NDUFAF7: variants seen among roughly 807,000 people sequenced by gnomAD.
NDUFAF7 encodes the protein NADH:ubiquinone oxidoreductase complex assembly factor 7.
A neutral mutation model predicts 47.2 loss-of-function variants in NDUFAF7; 48 were observed. The observed-to-expected ratio is 1.02, with a 90% confidence interval of 0.81 to 1.29. NDUFAF7 has a LOEUF of 1.29. NDUFAF7 is among the 50% of genes most tolerant of loss of function. The pLI is 0.00. For missense variants in NDUFAF7, 635 were observed against 537.6 expected (o/e 1.18, Z -1.79); for synonymous variants, 217 against 190.0 (o/e 1.14, Z -1.17).
chr2:37,266,928 G>GC, the NDUFAF7 span, among the ~76,000 whole-genome samples: 1 of 152,100 alleles, frequency 6.6e-6, no homozygotes, highest in Non-Finnish European at 1.5e-5. Flanking sequence ...CTAGATGACC[G>GC]CCCCCAAGGG....
intron 4 of NDUFAF7, 113 bp downstream of exon 4, chr2:37,237,980 G>C (rs11900451): frequency 2.5e-6 from 2 of 784,666 alleles, no homozygotes; most frequent in Admixed American, 2.1e-5. Flanking sequence ...ATATTTCTCA[G>C]CTAAAATATA....
At chr2:37,265,764 A>G in the NDUFAF7 span, among the ~76,000 whole-genome samples, 1 of 152,226 alleles carries the variant, frequency 6.6e-6, no homozygotes, top group African/African-American at 2.4e-5. Flanking sequence ...GAGACATCCT[A>G]CAATCTATTC....
At chr2:37,232,067 G>T (rs750582490) in intron 1 of NDUFAF7, 39 bp from the exon 2 acceptor site, 1 of 1,614,128 alleles carries the variant, frequency 6.2e-7, no homozygotes, top group African/African-American at 1.3e-5. Flanking sequence ...TGAATGGTCA[G>T]ATTTATCATG....
At chr2:37,260,056 T>A in the NDUFAF7 span, among the ~76,000 whole-genome samples, 1 of 152,012 alleles carries the variant, frequency 6.6e-6, no homozygotes, top group African/African-American at 2.4e-5. Context: ...TCCTAGATAC[T>A]TGGGAGGCTG....
chr2:37,249,088 A>T lies in NDUFAF7; in HGVS notation c.*738A>T, dbSNP rs1473140014. ...TAAGTGAAAAAAAGTAGGATGCAAG[A>T]GTTTTTATAGTTGATTCCATTTTTG... On this transcript the variant is annotated 3_prime_UTR_variant, in exon 10 of 10. Transcript: ENST00000002125. The T allele has an allele frequency of 6.6e-6, 1 of 152,320 alleles. No individual in the cohort carries two copies. 9.4% of individuals were successfully genotyped at this position (152,320 alleles called of 1,614,324 possible). A position where few individuals can be genotyped will look rare whatever the true frequency, so the allele number is the denominator to read the frequency against.
At chr2:37,249,643 G>GACACACACACACACACACACACACAC (rs56208997), downstream of NDUFAF7, among the ~76,000 whole-genome samples, 873 of 132,548 alleles carry the variant, frequency 6.6e-3, 20 homozygotes, top group East Asian at 0.024. Context: ...CTGTGATAGA[G>GACACACACACACACACACACACACAC]ACACACACAC....
chr2:37,248,105 T>C (rs1667114962), intron 9 of NDUFAF7, 30 bp from the exon 10 acceptor site: 2 of 1,544,372 alleles, frequency 1.3e-6, no homozygotes, highest in Non-Finnish European at 1.8e-6. Context: ...GTCTTCTGGT[T>C]ATTTTTGCTA....
chr2:37,245,677 C>G (rs1407860112), intron 7 of NDUFAF7, among the ~76,000 whole-genome samples: 2 of 31,912 alleles, frequency 6.3e-5, no homozygotes, highest in African/African-American at 2.9e-4. Flanking sequence ...TGGCACTGTT[C>G]TAGGCAGACA....
chr2:37,248,027 C>A (rs1460479640), intron 9 of NDUFAF7, 108 bp from the exon 10 acceptor site: 6 of 911,768 alleles, frequency 6.6e-6, no homozygotes, highest in African/African-American at 1.7e-5. Context: ...TCAGAAGTCA[C>A]ATTTTGAGTG....
chr2:37,244,449 T>G (rs576965305), intron 7 of NDUFAF7, among the ~76,000 whole-genome samples: 1 of 152,352 alleles, frequency 6.6e-6, no homozygotes, highest in African/African-American at 2.4e-5. Context: ...AGCATGGCTT[T>G]TATCCCATGC....
In NDUFAF7 at chr2:37,238,905, CAA is replaced by C. The variant is rs35512230; in HGVS notation, c.408+1054_408+1055del. Among the ~76,000 whole-genome samples, 748 of 93,030 alleles carry C rather than the reference CAA, an allele frequency of 8.0e-3. 7 individuals carry two copies. The highest frequency in any genetic ancestry group is 0.028 in the African/African-American group (606 of 21,318). 61.0% of individuals were successfully genotyped at this position (93,030 alleles called of 152,430 possible). A position where few individuals can be genotyped will look rare whatever the true frequency, so the allele number is the denominator to read the frequency against. On this transcript the variant is annotated intron_variant, in intron 4 of 9. Transcript: ENST00000002125. Reference sequence around the variant, plus strand: ...AGGAAAATACAAACGGCTAAAAAAGCAAAAAAAAAAAAAAAAAGATTAGTCAC... The same window carrying C: ...AGGAAAATACAAACGGCTAAAAAAGCAAAAAAAAAAAAAAAGATTAGTCAC...
the NDUFAF7 span, among the ~76,000 whole-genome samples, chr2:37,262,282 T>C: frequency 2.6e-5 from 4 of 152,184 alleles, no homozygotes; most frequent in Admixed American, 2.6e-4. Flanking sequence ...TTCTCTCTCT[T>C]TGGGACTACT....
downstream of NDUFAF7, among the ~76,000 whole-genome samples, chr2:37,255,315 CAAA>C (rs869162462): frequency 1.1e-4 from 3 of 28,092 alleles, no homozygotes; most frequent in Non-Finnish European, 2.0e-4. Flanking sequence ...TTTGGAAAAA[CAAA>C]AAAGATCTAC....
At chr2:37,259,724 C>A in the NDUFAF7 span, 25 of 1,368,206 alleles carry the variant, frequency 1.8e-5, no homozygotes, top group Non-Finnish European at 2.5e-5. Context: ...TGGAAAATCA[C>A]AAGTAAACCT....
In NDUFAF7 at chr2:37,248,298, C is replaced by CTT; in HGVS notation, c.1274_1275insTT (p.Lys426Ter). 6.2e-7 allele frequency: 1 copy of CTT among 1,614,126 alleles called. No individual in the cohort carries two copies. The highest frequency in any genetic ancestry group is 8.5e-7 in the Non-Finnish European group (1 of 1,180,000). On this transcript the variant is annotated frameshift_variant, in exon 10 of 10. Transcript: ENST00000002125. LOFTEE classifies it high-confidence loss of function. ...AGATATCAGAGGAATGCACGTCAGT[C>CTT]AAAACCCTTTGCATCCGTTGTAGCT...
downstream of NDUFAF7, chr2:37,253,488 A>G (rs1045235059): frequency 1.6e-5 from 10 of 628,712 alleles, no homozygotes; most frequent in Non-Finnish European, 2.3e-5. Flanking sequence ...AGTATCTACT[A>G]TGTACTAAGT....
intron 7 of NDUFAF7, among the ~76,000 whole-genome samples, chr2:37,245,580 A>G (rs1481725332): frequency 2.0e-5 from 3 of 152,206 alleles, no homozygotes; most frequent in African/African-American, 7.2e-5. Flanking sequence ...GCATGATAAT[A>G]TAATTGTCTA....
rs1487281473 is a variant in NDUFAF7 at position 37,246,184 on chromosome 2, G to A, written c.925G>A (p.Asp309Asn). The change falls in exon 8 of 10, where the codon GAT becomes AAT. Residue 309 changes from aspartate (D) to asparagine (N), a missense_variant. By Grantham distance (23) the Asp-to-Asn change is conservative. Coordinates refer to ENST00000002125, the MANE Select transcript of NDUFAF7 (RefSeq NM_144736.5). ...TTATGGTCATGATGGAACAAAGACAGATACCTTCAGAGTATGTATAATTCA... is the reference window on the plus strand; with the variant it reads ...TTATGGTCATGATGGAACAAAGACAAATACCTTCAGAGTATGTATAATTCA... The part of the protein sequence containing the change: ...ADYGHDGTKT[D>N]TFRGFCDHKL... 1 of 1,613,760 alleles carries A rather than the reference G, an allele frequency of 6.2e-7. No individual in the cohort carries two copies. Among genetic ancestry groups the A allele is most frequent in the Non-Finnish European group, 8.5e-7 (1 of 1,179,774 alleles).
At chr2:37,235,250 G>A (rs1328804170) in intron 2 of NDUFAF7, among the ~76,000 whole-genome samples, 1 of 151,524 alleles carries the variant, frequency 6.6e-6, no homozygotes, top group Non-Finnish European at 1.5e-5. Flanking sequence ...GGACAAGCAA[G>A]GCTAATAAGA....
Sources: allele counts gnomAD v4.1 joint callset (sites outside exome capture counted in the v4.1 genomes callset), GRCh38; gene constraint gnomAD v4.1.1; transcripts MANE v1.5; gene names NCBI Gene and HGNC (gene_info 2026-07-23, HGNC 2026-07-21).